EVA1C: variants seen among roughly 807,000 people sequenced by gnomAD.
The protein encoded by EVA1C is eva-1 homolog C.
Under a neutral mutation model 45.4 loss-of-function variants are expected in EVA1C, and 25 were observed. The observed-to-expected ratio is 0.55, with a 90% CI of 0.40 to 0.77. EVA1C has a LOEUF of 0.77. EVA1C is among the 30% of genes least tolerant of loss of function. EVA1C has a pLI of 0.00. For missense variants in EVA1C, 479 were observed against 554.8 expected (o/e 0.86, Z 1.37); for synonymous variants, 190 against 221.2 (o/e 0.86, Z 1.25).
At position 32,453,636 on chromosome 21, in the gene EVA1C, A is replaced by G. The variant is rs1423958868; in HGVS notation, c.357+128A>G. ...CAAAACTGATCCATGAAAAATCCCA[A>G]TTTATACAGATCACCAGTTTTGTAG... On this transcript the variant is annotated intron_variant, in intron 2 of 7. Transcript: ENST00000300255. 7 of 671,794 alleles carry G rather than the reference A, an allele frequency of 1.0e-5. No individual in the cohort carries two copies. The East Asian group carries it at 1.1e-4, about 11-fold the overall frequency. 41.6% of individuals were successfully genotyped at this position (671,794 alleles called of 1,614,324 possible).
intron 1 of EVA1C, among the ~76,000 whole-genome samples, chr21:32,445,543 TG>T (rs1381658270): frequency 6.6e-6 from 1 of 152,172 alleles, no homozygotes; most frequent in African/African-American, 2.4e-5. Flanking sequence ...TTAGTAAGTA[TG>T]GGGCCCCAAG....
At chr21:32,475,662 C>A (rs534736079) in intron 4 of EVA1C, among the ~76,000 whole-genome samples, 1 of 152,158 alleles carries the variant, frequency 6.6e-6, no homozygotes, top group East Asian at 1.9e-4. Flanking sequence ...AAAGACACAT[C>A]AAATAATTTA....
chr21:32,464,137 C>T (rs535573457), intron 3 of EVA1C, among the ~76,000 whole-genome samples: 27 of 152,324 alleles, frequency 1.8e-4, no homozygotes, highest in Admixed American at 9.2e-4. Context: ...ACTTAGCAGT[C>T]TTTTATCTAG....
At chr21:32,467,905 A>G in intron 4 of EVA1C, 57 bp downstream of exon 4, 5 of 1,024,966 alleles carry the variant, frequency 4.9e-6, no homozygotes, top group Non-Finnish European at 5.3e-6. Flanking sequence ...GAATTAATAG[A>G]ATATATATAT....
In EVA1C at chr21:32,514,918, C is replaced by A. The variant is rs140738179; in HGVS notation, c.1054C>A (p.Arg352Ser). ...CAGAGAGTCCTGTGCCAAGGACTTC[C>A]GCGACTTGCAGCTGGGGAGGGAGCA... is the stretch of plus-strand genomic sequence containing the variant. ...VIRESCAKDF[R>S]DLQLGREQLV... The change falls in exon 8 of 8, where the codon CGC becomes AGC. Residue 352 changes from arginine (R) to serine (S), a missense_variant. Physicochemically the swap from Arg to Ser is moderately radical, Grantham distance 110. Around this residue, in one of 3 missense-constraint regions of EVA1C, gnomAD observed 366 missense variants for 426.1 expected, o/e 0.86. Transcript: ENST00000300255. 2 of 1,614,052 alleles carry A rather than the reference C, an allele frequency of 1.2e-6. No homozygotes were observed. Among genetic ancestry groups the A allele is most frequent in the Admixed American group, 3.3e-5 (2 of 60,012 alleles).
At chr21:32,447,813 C>T (rs1269957741) in intron 1 of EVA1C, among the ~76,000 whole-genome samples, 1 of 152,200 alleles carries the variant, frequency 6.6e-6, no homozygotes, top group Non-Finnish European at 1.5e-5. Context: ...TCAAGTGATT[C>T]ACCTCCCTCA....
chr21:32,445,324 A>G (rs1378801994), intron 1 of EVA1C, among the ~76,000 whole-genome samples: 1 of 152,368 alleles, frequency 6.6e-6, no homozygotes, highest in South Asian at 2.1e-4. Context: ...CCCATTCCAC[A>G]TCTGTGGATA....
intron 1 of EVA1C, among the ~76,000 whole-genome samples, chr21:32,440,190 T>C (rs2035122359): frequency 6.6e-6 from 1 of 152,122 alleles, no homozygotes; most frequent in Non-Finnish European, 1.5e-5. Flanking sequence ...GCAGAAAAGA[T>C]CAAGTATAGA....
chr21:32,508,669 C>T (rs1053302912), intron 7 of EVA1C, among the ~76,000 whole-genome samples: 2 of 152,196 alleles, frequency 1.3e-5, no homozygotes, highest in African/African-American at 4.8e-5. Flanking sequence ...ATGCTTTGTG[C>T]TTTCTTCTGG....
intron 4 of EVA1C, among the ~76,000 whole-genome samples, chr21:32,482,535 C>G (rs2036823859): frequency 6.6e-6 from 1 of 152,194 alleles, no homozygotes; most frequent in Non-Finnish European, 1.5e-5. Context: ...CCCTGGGGTA[C>G]CTCCTCGGAA....
rs1255066220 is a variant in EVA1C at position 32,412,756 on chromosome 21, G to T, written c.-98G>T. On this transcript the variant is annotated 5_prime_UTR_variant, in exon 1 of 8. Coordinates refer to ENST00000300255, the MANE Select transcript of EVA1C (RefSeq NM_058187.5). ...GGAGGCGGCGGGGGGCCGCGGAGCC[G>T]CTGGCCATCGATTCTCCCCGCCATG... The T allele has an allele frequency of 1.7e-6, 2 of 1,195,564 alleles. No homozygotes were observed. Among genetic ancestry groups the T allele is most frequent in the Non-Finnish European group, 2.2e-6 (2 of 929,782 alleles). 74.1% of individuals were successfully genotyped at this position (1,195,564 alleles called of 1,614,324 possible). A position where few individuals can be genotyped will look rare whatever the true frequency, so the allele number is the denominator to read the frequency against.
At chr21:32,437,031 G>T (rs1442168371) in intron 1 of EVA1C, among the ~76,000 whole-genome samples, 1 of 152,186 alleles carries the variant, frequency 6.6e-6, no homozygotes, top group East Asian at 1.9e-4. Flanking sequence ...GTGGTGGCGG[G>T]TGGCTGTAGT....
intron 1 of EVA1C, among the ~76,000 whole-genome samples, chr21:32,425,095 G>A (rs1763254623): frequency 6.6e-6 from 1 of 151,988 alleles, no homozygotes; most frequent in South Asian, 2.1e-4. Flanking sequence ...CAGATCACCT[G>A]AGGTCAGGAG....
At chr21:32,497,263 C>T (rs954300555) in intron 5 of EVA1C, 22 of 765,056 alleles carry the variant, frequency 2.9e-5, no homozygotes, top group Non-Finnish European at 4.4e-5. Context: ...CTTGTGAACA[C>T]ATGACATTAG....
intron 3 of EVA1C, among the ~76,000 whole-genome samples, chr21:32,462,448 C>A (rs1262429110): frequency 6.6e-6 from 1 of 152,190 alleles, no homozygotes; most frequent in Admixed American, 6.5e-5. Context: ...TTCAGCATCA[C>A]TATGCACTGG....
chr21:32,467,911 T>TATAC, intron 4 of EVA1C, 63 bp downstream of exon 4: 1 of 1,033,412 alleles, frequency 9.7e-7, no homozygotes. Flanking sequence ...ATAGAATATA[T>TATAC]ATATATATAT....
chr21:32,514,020 A>G (rs531480004), intron 7 of EVA1C, among the ~76,000 whole-genome samples: 32 of 152,294 alleles, frequency 2.1e-4, no homozygotes, highest in African/African-American at 7.2e-4. Context: ...ACAACTACTT[A>G]CCTAGCATTT....
intron 4 of EVA1C, among the ~76,000 whole-genome samples, chr21:32,476,123 T>C (rs779019834): frequency 6.6e-6 from 1 of 152,204 alleles, no homozygotes; most frequent in Non-Finnish European, 1.5e-5. Flanking sequence ...TTGCACACCT[T>C]GTCTCTCTAG....
At chr21:32,434,067 G>A (rs1442510859) in intron 1 of EVA1C, among the ~76,000 whole-genome samples, 1 of 151,584 alleles carries the variant, frequency 6.6e-6, no homozygotes, top group East Asian at 1.9e-4. Flanking sequence ...GGCCGAGGTG[G>A]GTGGATCATT....
Sources: allele counts gnomAD v4.1 joint callset (sites outside exome capture counted in the v4.1 genomes callset), GRCh38; gene constraint gnomAD v4.1.1; regional missense constraint gnomAD v4.1.1; transcripts MANE v1.5; gene names NCBI Gene and HGNC (gene_info 2026-07-23, HGNC 2026-07-21).